Variants in ABTB3 observed in about 807,000 individuals in gnomAD.
ABTB3 encodes ankyrin repeat- and BTB/POZ domain-containing protein 3.
chr12:107,554,188 C>G, the ABTB3 span, among the ~76,000 whole-genome samples: 1 of 152,178 alleles, frequency 6.6e-6, no homozygotes, highest in Non-Finnish European at 1.5e-5. Flanking sequence ...AACATTAAGT[C>G]TTTGATCCTA....
the ABTB3 span, among the ~76,000 whole-genome samples, chr12:107,440,885 A>G: frequency 6.6e-6 from 1 of 152,244 alleles, no homozygotes; most frequent in Non-Finnish European, 1.5e-5. Context: ...TAATCTTTAC[A>G]TTCTCACAAT....
At chr12:107,608,067 A>T in the ABTB3 span, among the ~76,000 whole-genome samples, 1 of 152,134 alleles carries the variant, frequency 6.6e-6, no homozygotes, top group African/African-American at 2.4e-5. Context: ...GTCAGCAAGC[A>T]GGGGGAGTGT....
the ABTB3 span, chr12:107,618,440 CAT>C: frequency 2.9e-6 from 4 of 1,395,082 alleles, no homozygotes; most frequent in South Asian, 1.3e-5. Context: ...TCCACACACA[CAT>C]GAACACGCAC....
At chr12:107,351,355 C>A in the ABTB3 span, among the ~76,000 whole-genome samples, 4 of 152,186 alleles carry the variant, frequency 2.6e-5, no homozygotes, top group African/African-American at 9.7e-5. Flanking sequence ...TTCCACTGCA[C>A]TTTGCCATCA....
chr12:107,368,644 C>T, the ABTB3 span, among the ~76,000 whole-genome samples: 1 of 152,116 alleles, frequency 6.6e-6, no homozygotes, highest in South Asian at 2.1e-4. Flanking sequence ...TTTATACAAA[C>T]TTGGTTTCGA....
the ABTB3 span, among the ~76,000 whole-genome samples, chr12:107,598,643 T>C: frequency 6.6e-6 from 1 of 152,168 alleles, no homozygotes; most frequent in Non-Finnish European, 1.5e-5. Flanking sequence ...GAAGCTAATA[T>C]GTTGGGATAG....
the ABTB3 span, among the ~76,000 whole-genome samples, chr12:107,359,663 G>T: frequency 2.0e-5 from 3 of 152,176 alleles, no homozygotes; most frequent in African/African-American, 7.2e-5. Context: ...GTCACCAAAT[G>T]ATAGCTCTCA....
the ABTB3 span, among the ~76,000 whole-genome samples, chr12:107,597,402 C>T: frequency 6.6e-6 from 1 of 152,184 alleles, no homozygotes; most frequent in African/African-American, 2.4e-5. Flanking sequence ...GTAGCACCAG[C>T]ATCTGGTGAG....
chr12:107,604,197 G>A, the ABTB3 span, among the ~76,000 whole-genome samples: 1 of 151,788 alleles, frequency 6.6e-6, no homozygotes, highest in Admixed American at 6.6e-5. Context: ...GCCAGGCACG[G>A]TGGCACTTTG....
At chr12:107,391,952 G>A in the ABTB3 span, among the ~76,000 whole-genome samples, 13 of 152,324 alleles carry the variant, frequency 8.5e-5, no homozygotes, top group Admixed American at 2.6e-4. Context: ...CTCAGTTTCT[G>A]GAACTGGATC....
chr12:107,377,418 TG>T, the ABTB3 span, among the ~76,000 whole-genome samples: 1 of 9,424 alleles, frequency 1.1e-4, no homozygotes, highest in South Asian at 1.9e-3. Context: ...AGCAAGAGTG[TG>T]TGTGTGTGTG....
At chr12:107,625,136 G>A in the ABTB3 span, among the ~76,000 whole-genome samples, 1 of 152,176 alleles carries the variant, frequency 6.6e-6, no homozygotes, top group Non-Finnish European at 1.5e-5. Context: ...TTCTCTTCAA[G>A]TGAAATGTCT....
chr12:107,343,226 G>T, the ABTB3 span, among the ~76,000 whole-genome samples: 1 of 151,990 alleles, frequency 6.6e-6, no homozygotes, highest in Non-Finnish European at 1.5e-5. Context: ...TGTTGCCCAG[G>T]CCAGTCTCGA....
the ABTB3 span, among the ~76,000 whole-genome samples, chr12:107,488,383 A>G: frequency 6.6e-6 from 1 of 152,090 alleles, no homozygotes; most frequent in East Asian, 1.9e-4. Flanking sequence ...AGTTGCTTTC[A>G]AAAGAAAAAA....
the ABTB3 span, chr12:107,635,045 GAGA>G: frequency 2.7e-6 from 1 of 368,442 alleles, no homozygotes; most frequent in Non-Finnish European, 4.8e-6. Context: ...GAGGGCCAGA[GAGA>G]AGAATTTCTT....
At chr12:107,370,083 G>A in the ABTB3 span, among the ~76,000 whole-genome samples, 1 of 152,352 alleles carries the variant, frequency 6.6e-6, no homozygotes, top group East Asian at 1.9e-4. Context: ...ATAGCTTTCA[G>A]TAAACGTTAT....
the ABTB3 span, among the ~76,000 whole-genome samples, chr12:107,607,417 T>C: frequency 6.6e-6 from 1 of 152,084 alleles, no homozygotes; most frequent in East Asian, 1.9e-4. Flanking sequence ...ACTGCCGGGG[T>C]AGCCCTCTGT....
At chr12:107,346,617 G>A in the ABTB3 span, among the ~76,000 whole-genome samples, 3 of 152,062 alleles carry the variant, frequency 2.0e-5, no homozygotes, top group Non-Finnish European at 2.9e-5. Flanking sequence ...GTGGCACCAC[G>A]CCTGGCTAAT....
At chr12:107,561,302 ACT>A in the ABTB3 span, among the ~76,000 whole-genome samples, 1 of 152,144 alleles carries the variant, frequency 6.6e-6, no homozygotes, top group African/African-American at 2.4e-5. Flanking sequence ...TGTTGAAAAC[ACT>A]GAGCATCCAC....
Sources: allele counts gnomAD v4.1 joint callset (sites outside exome capture counted in the v4.1 genomes callset), GRCh38; gene constraint gnomAD v4.1.1; transcripts MANE v1.5; gene names NCBI Gene and HGNC (gene_info 2026-07-23, HGNC 2026-07-21).